The following VIL1 variants were observed in gnomAD, a reference collection of about 807,000 sequenced individuals.
VIL1 encodes villin 1, also known as villin-1.
A neutral mutation model predicts 104.0 loss-of-function variants in VIL1; 86 were observed. The ratio of observed to expected loss-of-function variants is 0.83; its 90% CI spans 0.69 to 0.99. VIL1 has a LOEUF of 0.99. VIL1 is among the 50% of genes least tolerant of loss of function. The probability of loss-of-function intolerance (pLI) is 0.00; values close to 1 mark genes in which losing one functional copy is unlikely to be tolerated. For synonymous variants in VIL1, 394 were observed against 412.6 expected (o/e 0.95, Z 0.55); for missense variants, 944 against 1,054.1 (o/e 0.90, Z 1.45).
intron 1 of VIL1, among the ~76,000 whole-genome samples, chr2:218,423,040 C>G (rs934790546): frequency 1.3e-5 from 2 of 152,214 alleles, no homozygotes; most frequent in Admixed American, 1.3e-4. Flanking sequence ...AGCATCAGCA[C>G]GTTCCGAAGC....
At chr2:218,436,056 C>T (rs1245291157) in intron 15 of VIL1, among the ~76,000 whole-genome samples, 1 of 152,180 alleles carries the variant, frequency 6.6e-6, no homozygotes, top group Admixed American at 6.5e-5. Context: ...CCAGGCTGGT[C>T]TTGAACTCCT....
chr2:218,437,398 A>T, intron 17 of VIL1, 86 bp downstream of exon 17: 1 of 1,485,418 alleles, frequency 6.7e-7, no homozygotes, highest in Non-Finnish European at 9.1e-7. Flanking sequence ...TCTCTTTGGG[A>T]TATATGACCT....
At position 218,449,395 on chromosome 2, in the gene VIL1, C is replaced by T; in HGVS notation, c.*59C>T. The T allele has an allele frequency of 1.4e-6, 2 of 1,381,356 alleles. No homozygotes were observed. The highest frequency in any genetic ancestry group is 1.2e-5 in the South Asian group (1 of 85,954). The allele number at this position is 1,381,356 out of a possible 1,614,324, so 85.6% of individuals were successfully genotyped here. On this transcript the variant is annotated 3_prime_UTR_variant, in exon 20 of 20. Transcript: ENST00000248444. ...CCCTGATTGTAGGGTCTCATTTTCTCACCGATATTAGTCCTACACCAATTG... is the reference window on the plus strand; with the variant it reads ...CCCTGATTGTAGGGTCTCATTTTCTTACCGATATTAGTCCTACACCAATTG...
At chr2:218,428,192 T>C in intron 5 of VIL1, 35 bp from the exon 6 acceptor site, 1 of 1,607,358 alleles carries the variant, frequency 6.2e-7, no homozygotes, top group Non-Finnish European at 8.5e-7. Flanking sequence ...AGGTGAGCTC[T>C]GAGTGGGGTC....
rs2106400229 is a variant in VIL1 at position 218,451,610 on chromosome 2, G to A, written c.*2274G>A. On this transcript the variant is annotated 3_prime_UTR_variant, in exon 20 of 20. Transcript: ENST00000248444. ...TGTATGTGTGTATAGTTACATAATGGTAACTACACACGATACAGAAGAATC... is the reference window on the plus strand; with the variant it reads ...TGTATGTGTGTATAGTTACATAATGATAACTACACACGATACAGAAGAATC... 1 of 151,732 alleles carries A rather than the reference G, an allele frequency of 6.6e-6. No homozygotes were observed. The highest frequency in any genetic ancestry group is 2.1e-4 in the South Asian group (1 of 4,804). 9.4% of individuals were successfully genotyped at this position (151,732 alleles called of 1,614,324 possible). A position where few individuals can be genotyped will look rare whatever the true frequency, so the allele number is the denominator to read the frequency against.
intron 1 of VIL1, among the ~76,000 whole-genome samples, chr2:218,420,912 G>A (rs1322904467): frequency 6.6e-6 from 1 of 152,110 alleles, no homozygotes; most frequent in Non-Finnish European, 1.5e-5. Context: ...CACCTACTAT[G>A]TGCTAGGAGC....
In VIL1 at chr2:218,428,318, C is replaced by A. The variant is rs758694913; in HGVS notation, c.548C>A (p.Thr183Asn). 1 of 1,614,142 alleles carries A rather than the reference C, an allele frequency of 6.2e-7. No individual in the cohort carries two copies. The highest frequency in any genetic ancestry group is 2.2e-5 in the East Asian group (1 of 44,884). ...ATCCAGTGGAATGGACCGGAAAGCACCCGTATGGAGAGACTCAGGGTAAAC... is the reference window on the plus strand; with the variant it reads ...ATCCAGTGGAATGGACCGGAAAGCAACCGTATGGAGAGACTCAGGGTAAAC... Reference protein sequence around the residue: ...LIIQWNGPESTRMERLRGMTL... With the variant: ...LIIQWNGPESNRMERLRGMTL... Residue 183 changes from threonine (T) to asparagine (N), a missense_variant, in exon 6 of 20, where the codon ACC (threonine) becomes AAC (asparagine). Transcript: ENST00000248444.
chr2:218,424,347 T>C lies in VIL1; in HGVS notation c.146T>C (p.Leu49Pro). Residue 49 changes from leucine to proline, a missense_variant, in exon 3 of 20, where the codon CTG becomes CCG. Transcript: ENST00000248444. ...TTCGATGGTGACTGCTACATCATCC[T>C]GGCTGTGAGTCAGGGGCAGGGGAGG... ...SFFDGDCYIILAIHKTASSLS... is the reference protein window; with the variant it reads ...SFFDGDCYIIPAIHKTASSLS... 1.2e-6 allele frequency: 2 copies of C among 1,613,864 alleles called. No individual in the cohort carries two copies. Among genetic ancestry groups the C allele is most frequent in the Non-Finnish European group, 1.7e-6 (2 of 1,179,956 alleles).
rs1362828624 is a variant in VIL1, at chr2:218,453,293, CA to C, written c.*3958del. 1 of 151,704 alleles carries C rather than the reference CA, an allele frequency of 6.6e-6. No individual in the cohort carries two copies. Among genetic ancestry groups the C allele is most frequent in the Non-Finnish European group, 1.5e-5 (1 of 67,952 alleles). The allele number at this position is 151,704 out of a possible 1,614,324, so 9.4% of individuals were successfully genotyped here. A position where few individuals can be genotyped will look rare whatever the true frequency, so the allele number is the denominator to read the frequency against. On this transcript the variant is annotated 3_prime_UTR_variant, in exon 20 of 20. Coordinates refer to ENST00000248444, the MANE Select transcript of VIL1 (RefSeq NM_007127.3). ...CGTTTTTTTTAATGAGATGGAGTCT[CA>C]CTCTGTCACTCAGACTGCAGTGCAA...
At position 218,449,547 on chromosome 2, in the gene VIL1, T is replaced by A; in HGVS notation, c.*211T>A. 2.1e-6 allele frequency: 1 copy of A among 470,596 alleles called. No individual in the cohort carries two copies. Among genetic ancestry groups the A allele is most frequent in the Non-Finnish European group, 3.9e-6 (1 of 255,320 alleles). 29.2% of individuals were successfully genotyped at this position (470,596 alleles called of 1,614,324 possible). ...AGGAGCCTATGGTCCTCATTTCAAC[T>A]TCTAAGGTCGCTAGATTGTTTCTAT... On this transcript the variant is annotated 3_prime_UTR_variant, in exon 20 of 20. Transcript: ENST00000248444.
At chr2:218,419,584 T>C (rs77823564) in intron 1 of VIL1, among the ~76,000 whole-genome samples, 1 of 152,208 alleles carries the variant, frequency 6.6e-6, no homozygotes, top group African/African-American at 2.4e-5. Flanking sequence ...AGTGTTTTTT[T>C]CTTTGTGTCA....
chr2:218,431,899 T>C lies in VIL1; in HGVS notation c.1145T>C (p.Val382Ala), dbSNP rs1174752445. The C allele has an allele frequency of 6.2e-7, 1 of 1,613,862 alleles. No homozygotes were observed. Among genetic ancestry groups the C allele is most frequent in the Non-Finnish European group, 8.5e-7 (1 of 1,179,968 alleles). The change falls in exon 11 of 20, where the codon GTC becomes GCC. Residue 382 changes from valine to alanine, a missense_variant. Val to Ala is a moderately conservative substitution (Grantham distance 64). Transcript: ENST00000248444. ...QVKFDATSMHVKPQVAAQQKM... is the reference protein window; with the variant it reads ...QVKFDATSMHAKPQVAAQQKM... ...AAGTTCGATGCCACATCCATGCATG[T>C]CAAGCCTCAGGTGGCTGCCCAGCAG...
intron 1 of VIL1, among the ~76,000 whole-genome samples, chr2:218,420,228 A>C (rs1688876441): frequency 6.6e-6 from 1 of 152,234 alleles, no homozygotes; most frequent in South Asian, 2.1e-4. Context: ...TCAGGACTTC[A>C]AGACCAGCCT....
intron 12 of VIL1, 84 bp from the exon 13 acceptor site, chr2:218,432,709 G>T (rs1689120618): frequency 3.2e-6 from 5 of 1,559,786 alleles, no homozygotes; most frequent in Admixed American, 3.5e-5. Flanking sequence ...TCAGACTTGA[G>T]GATGGAGTTG....
At chr2:218,445,508 C>T (rs1438609737) in intron 19 of VIL1, among the ~76,000 whole-genome samples, 1 of 152,078 alleles carries the variant, frequency 6.6e-6, no homozygotes, top group Non-Finnish European at 1.5e-5. Flanking sequence ...GGAGAGAATG[C>T]CCAGGGTGGG....
Position 218,436,599 on chromosome 2 carries a change from T to G in VIL1, c.1944T>G (p.Asp648Glu), listed in dbSNP as rs770810848. Residue 648 changes from aspartate to glutamate, a missense_variant, in exon 16 of 20, where the codon GAT (aspartate) becomes GAG (glutamate). Physicochemically the swap from Asp to Glu is conservative, Grantham distance 45. Transcript: ENST00000248444. ...ATCAGGATGACTTGGAAGAGGATGA[T>G]GTGTTCCTACTAGATGTCTGGGACC... The part of the protein sequence containing the change: ...DFNQDDLEED[D>E]VFLLDVWDQV... 8 of 1,613,968 alleles carry G rather than the reference T, an allele frequency of 5.0e-6. No homozygotes were observed. The Admixed American group carries it at 5.0e-5, about 10-fold the overall frequency.
chr2:218,427,833 G>A, intron 4 of VIL1, 132 bp from the exon 5 acceptor site: 1 of 769,254 alleles, frequency 1.3e-6, no homozygotes. Flanking sequence ...TGCGCCCTCA[G>A]CACCTCATTG....
In VIL1 at chr2:218,431,929, T is replaced by A. The variant is rs200476718; in HGVS notation, c.1175T>A (p.Met392Lys). ...CCTCAGGTGGCTGCCCAGCAGAAGA[T>A]GGTAGATGATGGGAGTGGGGAAGTG... ...VKPQVAAQQK[M>K]VDDGSGEVQV... The change falls in exon 11 of 20, where the codon ATG becomes AAG. Residue 392 changes from methionine to lysine, a missense_variant. Met to Lys is a moderately conservative substitution (Grantham distance 95). Coordinates refer to ENST00000248444, the MANE Select transcript of VIL1 (RefSeq NM_007127.3). 27 of 1,613,710 alleles carry A rather than the reference T, an allele frequency of 1.7e-5. No homozygotes were observed. The East Asian group carries it at 5.6e-4, about 33-fold the overall frequency.
At position 218,436,511 on chromosome 2, in the gene VIL1, C is replaced by G. The variant is rs150927922; in HGVS notation, c.1856C>G (p.Pro619Arg). Residue 619 changes from proline (P) to arginine (R), a missense_variant, in exon 16 of 20, where the codon CCC becomes CGC. Physicochemically the swap from Pro to Arg is moderately radical, Grantham distance 103. Coordinates refer to ENST00000248444, the MANE Select transcript of VIL1 (RefSeq NM_007127.3). ...CAGGAAGAAAACCTGGTCATCACCC[C>G]CCGGCTCTTTGAGTGTTCCAACAAG... The part of the protein sequence containing the change: ...RLQEENLVIT[P>R]RLFECSNKTG... 8.1e-5 allele frequency: 130 copies of G among 1,614,090 alleles called. No individual in the cohort carries two copies. In the East Asian group the frequency reaches 2.6e-3, roughly 32 times the overall value.
Sources: gnomAD v4.1 joint callset for allele counts (sites outside exome capture counted in the v4.1 genomes callset) on GRCh38, gnomAD v4.1.1 for gene constraint, MANE v1.5 for transcripts, NCBI Gene and HGNC (gene_info 2026-07-23, HGNC 2026-07-21) for gene names.